Variants in XYLT1 observed in about 807,000 individuals in gnomAD.
XYLT1 encodes the protein beta-D-xylosyltransferase 1.
XYLT1 carries 36 observed loss-of-function variants against 91.3 expected under a neutral mutation model. The observed-to-expected ratio is 0.39, with a 90% CI of 0.30 to 0.52. The LOEUF (loss-of-function observed/expected upper bound fraction) is 0.52. XYLT1 is among the 20% of genes least tolerant of loss of function. XYLT1 has a pLI of 0.68. For missense variants in XYLT1, 1,242 were observed against 1,284.5 expected, an observed-to-expected ratio of 0.97 and a Z score of 0.51; for synonymous variants, 588 against 532.0, an observed-to-expected ratio of 1.11 and a Z score of -1.45.
At chr16:17,222,652 C>G (rs889733437) in intron 3 of XYLT1, among the ~76,000 whole-genome samples, 9 of 151,844 alleles carry the variant, frequency 5.9e-5, no homozygotes, top group African/African-American at 2.2e-4. Flanking sequence ...TAGATGGGCA[C>G]AGTGGTGTAC....
chr16:17,294,773 TG>T (rs1468526387), intron 2 of XYLT1, among the ~76,000 whole-genome samples: 1 of 152,152 alleles, frequency 6.6e-6, no homozygotes, highest in East Asian at 1.9e-4. Context: ...AAGAAGGATC[TG>T]AAAATGACAG....
intron 2 of XYLT1, among the ~76,000 whole-genome samples, chr16:17,318,828 C>G (rs1341620205): frequency 6.6e-6 from 1 of 150,720 alleles, no homozygotes; most frequent in African/African-American, 2.5e-5. Context: ...CTAACTCTCG[C>G]CCAGGCTGAA....
intron 1 of XYLT1, among the ~76,000 whole-genome samples, chr16:17,424,713 C>T (rs2036291366): frequency 6.6e-6 from 1 of 151,870 alleles, no homozygotes; most frequent in Non-Finnish European, 1.5e-5. Context: ...ACTAAAAATA[C>T]AAAAAGTAGC....
chr16:17,236,277 T>A (rs1169501575), intron 3 of XYLT1, among the ~76,000 whole-genome samples: 1 of 152,218 alleles, frequency 6.6e-6, no homozygotes, highest in Admixed American at 6.5e-5. Flanking sequence ...TCTTGCTGGC[T>A]TTAGTCTCCA....
chr16:17,452,741 AGTT>A (rs2036683230), intron 1 of XYLT1, among the ~76,000 whole-genome samples: 1 of 152,184 alleles, frequency 6.6e-6, no homozygotes, highest in African/African-American at 2.4e-5. Context: ...GAAGCCTGGA[AGTT>A]TTCTACTTTT....
intron 3 of XYLT1, among the ~76,000 whole-genome samples, chr16:17,210,226 G>A (rs1567324271): frequency 6.6e-6 from 1 of 152,170 alleles, no homozygotes; most frequent in Non-Finnish European, 1.5e-5. Flanking sequence ...TAGGCTGGCT[G>A]TGGTGGCTCA....
At chr16:17,361,045 C>T (rs1318016879) in intron 1 of XYLT1, among the ~76,000 whole-genome samples, 2 of 152,212 alleles carry the variant, frequency 1.3e-5, no homozygotes, top group African/African-American at 4.8e-5. Flanking sequence ...CTCCTAGATC[C>T]ATGCCCTCTG....
chr16:17,414,823 G>A (rs2036159771), intron 1 of XYLT1, among the ~76,000 whole-genome samples: 1 of 152,066 alleles, frequency 6.6e-6, no homozygotes, highest in African/African-American at 2.4e-5. Context: ...GCTCAGTTAT[G>A]GAACGGGGAC....
intron 1 of XYLT1, among the ~76,000 whole-genome samples, chr16:17,446,549 A>G (rs1017326056): frequency 6.6e-6 from 1 of 152,066 alleles, no homozygotes; most frequent in Non-Finnish European, 1.5e-5. Context: ...GGAAAAAAAA[A>G]TGGCTCAACA....
At chr16:17,166,230 C>A (rs2031676820) in intron 5 of XYLT1, among the ~76,000 whole-genome samples, 2 of 152,236 alleles carry the variant, frequency 1.3e-5, no homozygotes. Flanking sequence ...GGAGCAGCTG[C>A]TGCAGCTGGT....
intron 1 of XYLT1, among the ~76,000 whole-genome samples, chr16:17,402,301 C>T (rs530307869): frequency 5.3e-5 from 8 of 150,730 alleles, no homozygotes; most frequent in South Asian, 4.2e-4. Flanking sequence ...GCCTGGGCAA[C>T]GGAGACCTTG....
intron 2 of XYLT1, among the ~76,000 whole-genome samples, chr16:17,266,324 G>A (rs981531779): frequency 3.3e-5 from 5 of 152,188 alleles, no homozygotes; most frequent in African/African-American, 1.2e-4. Context: ...ATCAAGCATA[G>A]AAGATAGTGC....
chr16:17,196,689 C>T (rs1248808695), intron 5 of XYLT1, among the ~76,000 whole-genome samples: 4 of 152,146 alleles, frequency 2.6e-5, no homozygotes, highest in Admixed American at 2.6e-4. Context: ...GGAAGATCCC[C>T]CTCTTCACCC....
chr16:17,236,640 C>A (rs1397720218), intron 3 of XYLT1, among the ~76,000 whole-genome samples: 2 of 152,162 alleles, frequency 1.3e-5, no homozygotes, highest in Non-Finnish European at 2.9e-5. Context: ...CAGGCGTTGG[C>A]AGGGTTCGTT....
At position 17,120,058 on chromosome 16, in the gene XYLT1, T is replaced by C. The variant is rs571982717; in HGVS notation, c.2224-2079A>G. ...TCTGATGTTCCTGTGGGGGCTGCCA[T>C]CCCTCCCAGACTTATGAAATCTTGG... On this transcript the variant is annotated intron_variant, in intron 10 of 11. Coordinates refer to ENST00000261381, the MANE Select transcript of XYLT1 (RefSeq NM_022166.4). Among the ~76,000 whole-genome samples the C allele has an allele frequency of 2.6e-5, 4 of 152,274 alleles. No homozygotes were observed. The East Asian group carries it at 7.7e-4, about 29-fold the overall frequency.
intron 3 of XYLT1, among the ~76,000 whole-genome samples, chr16:17,216,552 C>G (rs1180460040): frequency 2.0e-5 from 3 of 151,082 alleles, no homozygotes; most frequent in Non-Finnish European, 4.4e-5. Flanking sequence ...CACATTAATG[C>G]TGTCACGTCA....
At position 17,312,393 on chromosome 16, in the gene XYLT1, A is replaced by T. The variant is rs2034564670; in HGVS notation, c.402+45619T>A. On this transcript the variant is annotated intron_variant, in intron 2 of 11. Coordinates refer to ENST00000261381, the MANE Select transcript of XYLT1 (RefSeq NM_022166.4). The surrounding 1 kb of genome is among the most constrained non-coding windows in gnomAD (Gnocchi z 4.4). ...AATCCTCATGATCATCAGGGCTGGC[A>T]TTCCTGTAGCGCTTACCATGTATGG... Among the ~76,000 whole-genome samples, 1 of 152,180 alleles carries T rather than the reference A, an allele frequency of 6.6e-6. No individual in the cohort carries two copies. Among genetic ancestry groups the T allele is most frequent in the South Asian group, 2.1e-4 (1 of 4,826 alleles).
chr16:17,406,751 G>T (rs1402780937), intron 1 of XYLT1, among the ~76,000 whole-genome samples: 4 of 152,120 alleles, frequency 2.6e-5, no homozygotes, highest in African/African-American at 9.7e-5. Context: ...GGAGGAAGAT[G>T]CTGAACAGCT....
chr16:17,329,070 G>A (rs2034857226), intron 2 of XYLT1, among the ~76,000 whole-genome samples: 1 of 152,196 alleles, frequency 6.6e-6, no homozygotes, highest in Admixed American at 6.5e-5. Context: ...AAGATTTTCA[G>A]TTTAGCAGGC....
Sources: allele counts gnomAD v4.1 joint callset (sites outside exome capture counted in the v4.1 genomes callset), GRCh38; gene constraint gnomAD v4.1.1; non-coding constraint Gnocchi (gnomAD v3.1); transcripts MANE v1.5; gene names NCBI Gene and HGNC (gene_info 2026-07-23, HGNC 2026-07-21).